The following MTHFSD variants were observed in gnomAD, a reference collection of about 807,000 sequenced individuals.
MTHFSD encodes the protein methenyltetrahydrofolate synthetase domain containing, also known as methenyltetrahydrofolate synthase domain-containing protein.
MTHFSD carries 37 observed loss-of-function variants against 31.1 expected under a neutral mutation model. The ratio of observed to expected loss-of-function variants is 1.19; its 90% CI spans 0.91 to 1.56. The LOEUF is 1.56. Among genes scored for constraint, MTHFSD ranks in the 40% most tolerant of loss-of-function variants. The pLI is 0.00. For missense variants in MTHFSD, 664 were observed against 510.1 expected (o/e 1.30, Z -2.91); for synonymous variants, 221 against 206.9 (o/e 1.07, Z -0.59).
At position 86,555,195 on chromosome 16, in the gene MTHFSD, TC is replaced by T; in HGVS notation, c.-12del. On this transcript the variant is annotated 5_prime_UTR_variant, in exon 1 of 8. Transcript: ENST00000360900. ...TGCCCTCGGCTCCATGGTGATGCAG[TC>T]GCTGTGCGACGCTTCCCGGCGCAGG... is the stretch of plus-strand genomic sequence containing the variant. The T allele has an allele frequency of 6.5e-7, 1 of 1,536,834 alleles. No individual in the cohort carries two copies. Among genetic ancestry groups the T allele is most frequent in the Non-Finnish European group, 8.7e-7 (1 of 1,146,558 alleles).
In MTHFSD at chr16:86,541,816, C is replaced by G; in HGVS notation, c.562G>C (p.Asp188His). The G allele has an allele frequency of 6.2e-7, 1 of 1,614,048 alleles. No individual in the cohort carries two copies. Among genetic ancestry groups the G allele is most frequent in the Non-Finnish European group, 8.5e-7 (1 of 1,179,942 alleles). The change falls in exon 7 of 8, where the codon GAC (aspartate) becomes CAC (histidine). Residue 188 changes from aspartate (D) to histidine (H), a missense_variant. Transcript: ENST00000360900. ...TCCTCAACAAGCTCTTCAGGGATGT[C>G]CACGACCTGGGGGAAGAGAGGAGGG... ...VTIVHDCQVV[D>H]IPEELVEEHD...
intron 4 of MTHFSD, chr16:86,547,623 G>A (rs1488052374): frequency 2.3e-5 from 21 of 906,568 alleles, no homozygotes; most frequent in East Asian, 1.2e-4. Context: ...CCATGCTTTC[G>A]TCTCAGTTTT....
rs1388629848 is a variant in MTHFSD, at chr16:86,555,210, T to C, written c.-26A>G. ...GGTGATGCAGTCGCTGTGCGACGCT[T>C]CCCGGCGCAGGTTCTGGCGCGTAGT... On this transcript the variant is annotated 5_prime_UTR_variant, in exon 1 of 8. Coordinates refer to ENST00000360900, the MANE Select transcript of MTHFSD (RefSeq NM_001159377.2). 1 of 1,536,412 alleles carries C rather than the reference T, an allele frequency of 6.5e-7. No homozygotes were observed. Among genetic ancestry groups the C allele is most frequent in the African/African-American group, 1.4e-5 (1 of 73,160 alleles).
chr16:86,552,164 C>CA lies in MTHFSD; in HGVS notation c.124-19dup, dbSNP rs748410590. ...TAAGACCCCTAGTTAGGCAAATAGA[C>CA]AGAGTTGCACTTACTTCAAGGACGA... is the stretch of plus-strand genomic sequence containing the variant. On this transcript the variant is annotated intron_variant, in intron 2 of 7. Coordinates refer to ENST00000360900, the MANE Select transcript of MTHFSD (RefSeq NM_001159377.2). 82 of 1,613,954 alleles carry CA rather than the reference C, an allele frequency of 5.1e-5. No individual in the cohort carries two copies. Among genetic ancestry groups the CA allele is most frequent in the Non-Finnish European group, 5.3e-5 (62 of 1,179,996 alleles).
chr16:86,547,470 G>A (rs549054157), intron 4 of MTHFSD: 19 of 986,004 alleles, frequency 1.9e-5, no homozygotes, highest in Middle Eastern at 5.2e-4. Flanking sequence ...GGGGTCTCCC[G>A]ACAGTCACAG....
chr16:86,534,270 G>A (rs1256156064), intron 7 of MTHFSD, among the ~76,000 whole-genome samples: 1 of 152,218 alleles, frequency 6.6e-6, no homozygotes, highest in Non-Finnish European at 1.5e-5. Flanking sequence ...AACTCACAGA[G>A]CAGTATCATA....
chr16:86,554,630 G>T lies in MTHFSD; in HGVS notation c.123+15C>A. The stretch of plus-strand genomic sequence containing the variant: ...TTTTGTTTTCCTTTTCTGGACTCCA[G>T]AAATATGTCAGTACCTTAAAGTTGG... On this transcript the variant is annotated intron_variant, in intron 2 of 7. Coordinates refer to ENST00000360900, the MANE Select transcript of MTHFSD (RefSeq NM_001159377.2). The T allele has an allele frequency of 1.3e-6, 2 of 1,589,990 alleles. No individual in the cohort carries two copies. The highest frequency in any genetic ancestry group is 1.7e-6 in the Non-Finnish European group (2 of 1,162,656).
At position 86,531,703 on chromosome 16, in the gene MTHFSD, T is replaced by C. The variant is rs908818711; in HGVS notation, c.*308A>G. ...ACATCACCCTCCCCTGCTTAGCCACTCACTCAGTCCCTGGCCCCTCTGCTC... is the reference window on the plus strand; with the variant it reads ...ACATCACCCTCCCCTGCTTAGCCACCCACTCAGTCCCTGGCCCCTCTGCTC... On this transcript the variant is annotated 3_prime_UTR_variant, in exon 8 of 8. Coordinates refer to ENST00000360900, the MANE Select transcript of MTHFSD (RefSeq NM_001159377.2). The surrounding 1 kb of genome is among the most constrained non-coding windows in gnomAD (Gnocchi z 5.5). 3 of 246,212 alleles carry C rather than the reference T, an allele frequency of 1.2e-5. No homozygotes were observed. The highest frequency in any genetic ancestry group is 4.5e-5 in the African/African-American group (2 of 44,910). 15.3% of individuals were successfully genotyped at this position (246,212 alleles called of 1,614,324 possible).
At chr16:86,540,373 T>G (rs1971325558) in intron 7 of MTHFSD, among the ~76,000 whole-genome samples, 1 of 152,210 alleles carries the variant, frequency 6.6e-6, no homozygotes, top group Non-Finnish European at 1.5e-5. Context: ...TTGGTTTGCT[T>G]TTCTGTAGGA....
chr16:86,548,477 C>G lies in MTHFSD; in HGVS notation c.338G>C (p.Cys113Ser). 6.2e-7 allele frequency: 1 copy of G among 1,613,646 alleles called. No individual in the cohort carries two copies. Among genetic ancestry groups the G allele is most frequent in the Non-Finnish European group, 8.5e-7 (1 of 1,179,800 alleles). ...TCTGGTACTTACCTGAGAGGTGGCA[C>G]ATTTTCTCAAGATGTCTTTAGTTGC... Reference protein sequence around the residue: ...PGATKDILRKCATSQGVRNYS... With the variant: ...PGATKDILRKSATSQGVRNYS... The change falls in exon 4 of 8, where the codon TGT becomes TCT. Residue 113 changes from cysteine (C) to serine (S), a missense_variant. Transcript: ENST00000360900.
intron 7 of MTHFSD, among the ~76,000 whole-genome samples, chr16:86,540,371 C>T (rs927615113): frequency 6.6e-6 from 1 of 152,170 alleles, no homozygotes; most frequent in Non-Finnish European, 1.5e-5. Flanking sequence ...GTTTGGTTTG[C>T]TTTTCTGTAG....
chr16:86,552,031 A>G lies in MTHFSD; in HGVS notation c.237+2T>C. ...CGGCTCGGCTCAGGGAAGTGGAATT[A>G]CCTGCAGCACCAGCAGCCGAACGCC... On this transcript the variant is annotated splice_donor_variant, in intron 3 of 7. Coordinates refer to ENST00000360900, the MANE Select transcript of MTHFSD (RefSeq NM_001159377.2). LOFTEE classifies it high-confidence loss of function. The G allele has an allele frequency of 6.2e-7, 1 of 1,614,152 alleles. No individual in the cohort carries two copies. The highest frequency in any genetic ancestry group is 8.5e-7 in the Non-Finnish European group (1 of 1,180,030).
intron 7 of MTHFSD, chr16:86,540,666 C>T (rs1971372806): frequency 1.0e-6 from 1 of 987,098 alleles, no homozygotes. Context: ...CTTCCACTTA[C>T]AAGGAAGCTG....
At chr16:86,537,916 G>A (rs191415559) in intron 7 of MTHFSD, among the ~76,000 whole-genome samples, 129 of 152,326 alleles carry the variant, frequency 8.5e-4, no homozygotes, top group African/African-American at 3.0e-3. Flanking sequence ...TCAGATGCAC[G>A]GGCCTTGGTC....
Position 86,531,127 on chromosome 16 carries a change from AAAC to A in MTHFSD, c.*881_*883del, listed in dbSNP as rs1164903219. Reference sequence around the variant, plus strand: ...TTTCCAAAGCATATACATTTGAAAAAAACAAAATCTCCACTTAAAAGCTTATTT... The same window carrying A: ...TTTCCAAAGCATATACATTTGAAAAAAAAATCTCCACTTAAAAGCTTATTT... On this transcript the variant is annotated 3_prime_UTR_variant, in exon 8 of 8. Transcript: ENST00000360900. The surrounding 1 kb of genome is among the most constrained non-coding windows in gnomAD (Gnocchi z 5.5). The A allele has an allele frequency of 1.3e-5, 2 of 152,256 alleles. No individual in the cohort carries two copies. Among genetic ancestry groups the A allele is most frequent in the African/African-American group, 4.8e-5 (2 of 41,470 alleles). The allele number at this position is 152,256 out of a possible 1,614,324, so 9.4% of individuals were successfully genotyped here.
intron 3 of MTHFSD, among the ~76,000 whole-genome samples, chr16:86,550,962 C>T (rs1973060776): frequency 6.6e-6 from 1 of 152,200 alleles, no homozygotes; most frequent in African/African-American, 2.4e-5. Context: ...AGAATGGAGT[C>T]AGCACACAAC....
chr16:86,539,027 C>T (rs1213458141), intron 7 of MTHFSD, among the ~76,000 whole-genome samples: 2 of 152,196 alleles, frequency 1.3e-5, no homozygotes, highest in Non-Finnish European at 2.9e-5. Flanking sequence ...CTGTACCTCT[C>T]TCTCTTCCTG....
Position 86,542,523 on chromosome 16 carries a change from C to T in MTHFSD, c.443-310G>A, listed in dbSNP as rs1303189251. 1.1e-5 allele frequency: 3 copies of T among 265,006 alleles called. No individual in the cohort carries two copies. In the South Asian group the frequency reaches 2.8e-4, roughly 25 times the overall value. 16.4% of individuals were successfully genotyped at this position (265,006 alleles called of 1,614,324 possible). On this transcript the variant is annotated intron_variant, in intron 5 of 7. Transcript: ENST00000360900. The surrounding 1 kb of genome is among the most constrained non-coding windows in gnomAD (Gnocchi z 4.6). ...TCATGTCAGCTTTATGTTAGCAAGA[C>T]TCATACTTAAAAAGAATGAAAAGAG...
chr16:86,549,702 G>A (rs567621044), intron 3 of MTHFSD, among the ~76,000 whole-genome samples: 1 of 152,378 alleles, frequency 6.6e-6, no homozygotes, highest in East Asian at 1.9e-4. Flanking sequence ...TCACTCCAGA[G>A]ACTGGAACCT....
Sources: gnomAD v4.1 joint callset for allele counts (sites outside exome capture counted in the v4.1 genomes callset) on GRCh38, gnomAD v4.1.1 for gene constraint, Gnocchi (gnomAD v3.1) non-coding constraint, MANE v1.5 for transcripts, NCBI Gene and HGNC (gene_info 2026-07-23, HGNC 2026-07-21) for gene names.